DSCAM: variants seen among roughly 807,000 people sequenced by gnomAD.
DSCAM encodes the protein cell adhesion molecule DSCAM.
DSCAM carries 47 observed loss-of-function variants against 217.7 expected under a neutral mutation model. The observed-to-expected ratio is 0.22, with a 90% CI of 0.17 to 0.28. DSCAM has a LOEUF of 0.28. Among genes scored for constraint, DSCAM ranks in the 10% least tolerant of loss-of-function variants. The pLI is 1.00. For missense variants in DSCAM, 2,080 were observed against 2,618.3 expected (o/e 0.79, Z 4.49); for synonymous variants, 1,056 against 1,015.3 (o/e 1.04, Z -0.76).
intron 3 of DSCAM, among the ~76,000 whole-genome samples, chr21:40,471,903 C>T (rs2145969401): frequency 6.6e-6 from 1 of 152,250 alleles, no homozygotes; most frequent in African/African-American, 2.4e-5. Context: ...GTTAACTCGT[C>T]ATTTACATTA....
intron 1 of DSCAM, among the ~76,000 whole-genome samples, chr21:40,815,170 A>C (rs895019334): frequency 1.3e-5 from 2 of 152,110 alleles, no homozygotes; most frequent in African/African-American, 2.4e-5. Flanking sequence ...TCCAGTTCCC[A>C]AAGAAAAAAG....
intron 3 of DSCAM, among the ~76,000 whole-genome samples, chr21:40,479,666 C>A (rs2075965700): frequency 6.6e-6 from 1 of 152,026 alleles, no homozygotes; most frequent in African/African-American, 2.4e-5. Flanking sequence ...TAAACCTGCC[C>A]CCATGATTCA....
chr21:40,503,953 G>C (rs1310935244), intron 3 of DSCAM, among the ~76,000 whole-genome samples: 1 of 152,192 alleles, frequency 6.6e-6, no homozygotes, highest in Non-Finnish European at 1.5e-5. Context: ...CTAGTTCACT[G>C]ACTAGTGGAA....
chr21:40,824,865 C>T (rs75152182), intron 1 of DSCAM, among the ~76,000 whole-genome samples: 1 of 152,180 alleles, frequency 6.6e-6, no homozygotes, highest in African/African-American at 2.4e-5. Flanking sequence ...CAAAAGCATA[C>T]ACAACCTTAA....
chr21:40,514,337 C>A (rs953162239), intron 3 of DSCAM, among the ~76,000 whole-genome samples: 2 of 152,160 alleles, frequency 1.3e-5, no homozygotes, highest in African/African-American at 4.8e-5. Flanking sequence ...GGAAAATGAA[C>A]AAGGCCATCT....
intron 20 of DSCAM, among the ~76,000 whole-genome samples, chr21:40,103,396 T>C (rs906168452): frequency 6.6e-5 from 10 of 152,214 alleles, no homozygotes; most frequent in Non-Finnish European, 1.5e-4. Flanking sequence ...AGGGAACTTT[T>C]AGAATGCTTA....
At chr21:40,121,395 A>G (rs1464333617) in intron 20 of DSCAM, among the ~76,000 whole-genome samples, 1 of 152,208 alleles carries the variant, frequency 6.6e-6, no homozygotes, top group Admixed American at 6.5e-5. Context: ...TGTAAAAAAT[A>G]GGTCTCGTGC....
Position 40,389,367 on chromosome 21 carries a change from A to T in DSCAM, c.509-20122T>A, listed in dbSNP as rs1601606906. 5.3e-5 allele frequency among the ~76,000 whole-genome samples: 8 copies of T among 152,304 alleles called. No homozygotes were observed. In the South Asian group the frequency reaches 1.7e-3, roughly 32 times the overall value. On this transcript the variant is annotated intron_variant, in intron 3 of 32. Coordinates refer to ENST00000400454, the MANE Select transcript of DSCAM (RefSeq NM_001389.5). Reference sequence around the variant, plus strand: ...ACAAAAAAGAGGACCGTTAAAAAACAGCTAATGTTCTAAAAAAGACATCTG... The same window carrying T: ...ACAAAAAAGAGGACCGTTAAAAAACTGCTAATGTTCTAAAAAAGACATCTG...
At chr21:40,494,074 G>A (rs953587969) in intron 3 of DSCAM, among the ~76,000 whole-genome samples, 3 of 151,834 alleles carry the variant, frequency 2.0e-5, no homozygotes, top group Admixed American at 2.0e-4. Context: ...AAGGATCAAA[G>A]CACACCACTA....
At chr21:40,453,091 TGA>T (rs1014017888) in intron 3 of DSCAM, among the ~76,000 whole-genome samples, 1,999 of 128,926 alleles carry the variant, frequency 0.016, 30 homozygotes, top group Admixed American at 0.05. Flanking sequence ...TGTGTGTGTG[TGA>T]GATATATGTG....
chr21:40,276,169 C>T lies in DSCAM; in HGVS notation c.2284G>A (p.Gly762Ser). 6.2e-7 allele frequency: 1 copy of T among 1,613,190 alleles called. No homozygotes were observed. Among genetic ancestry groups the T allele is most frequent in the Non-Finnish European group, 8.5e-7 (1 of 1,179,532 alleles). Residue 762 changes from glycine to serine, a missense_variant, in exon 11 of 33, where the codon GGC becomes AGC. Gly to Ser is a moderately conservative substitution (Grantham distance 56, BLOSUM62 0). This residue lies in a region of DSCAM where 218 missense variants were observed against 364.1 expected (regional missense o/e 0.60). Coordinates refer to ENST00000400454, the MANE Select transcript of DSCAM (RefSeq NM_001389.5). ...LIKHVVEEDS[G>S]YYLCKVSNDV... ...TTGCTGACCTTGCAGAGGTAGTAGC[C>T]ACTGTCTTCCTCCACGACATGCTTG... is the stretch of plus-strand genomic sequence containing the variant.
chr21:40,616,205 A>T (rs2089391799), intron 3 of DSCAM, among the ~76,000 whole-genome samples: 1 of 152,230 alleles, frequency 6.6e-6, no homozygotes, highest in Non-Finnish European at 1.5e-5. Context: ...TGCAGTGTGC[A>T]GGAAAGAGCT....
chr21:40,766,681 AAAAAAAAC>A, intron 1 of DSCAM, among the ~76,000 whole-genome samples: 1 of 119,238 alleles, frequency 8.4e-6, no homozygotes, highest in East Asian at 2.2e-4. Flanking sequence ...AAAAAAAAAA[AAAAAAAAC>A]AACTTTTTTT....
intron 8 of DSCAM, among the ~76,000 whole-genome samples, chr21:40,329,610 CTCTA>C (rs1233143805): frequency 8.2e-6 from 1 of 122,462 alleles, no homozygotes; most frequent in East Asian, 2.1e-4. Flanking sequence ...GAGACTCCGT[CTCTA>C]AATAAATAAA....
At chr21:40,447,036 G>T (rs533136453) in intron 3 of DSCAM, among the ~76,000 whole-genome samples, 2 of 152,264 alleles carry the variant, frequency 1.3e-5, no homozygotes, top group Admixed American at 6.5e-5. Flanking sequence ...GTGTTCCTGT[G>T]CTGTGCTTAT....
At chr21:40,164,205 C>T (rs1340372883) in intron 16 of DSCAM, among the ~76,000 whole-genome samples, 1 of 152,170 alleles carries the variant, frequency 6.6e-6, no homozygotes, top group Non-Finnish European at 1.5e-5. Context: ...ACTCTAATTG[C>T]ACTCTGGGGA....
At chr21:40,479,382 T>C (rs1329480056) in intron 3 of DSCAM, among the ~76,000 whole-genome samples, 1 of 152,210 alleles carries the variant, frequency 6.6e-6, no homozygotes, top group Non-Finnish European at 1.5e-5. Flanking sequence ...TATGCTTAAT[T>C]CCTTAGTCCC....
In DSCAM at chr21:40,824,403, A is replaced by ATTTTTTTTTTTTTTTT. The variant is rs536114434; in HGVS notation, c.43+22200_43+22215dup. On this transcript the variant is annotated intron_variant, in intron 1 of 32. Transcript: ENST00000400454. ...GCTCCCTATCCCATTTTTATTATTG[A>ATTTTTTTTTTTTTTTT]TTTTTTTTTTTTTTTTTGGAGACAG... 1.1e-3 allele frequency among the ~76,000 whole-genome samples: 138 copies of ATTTTTTTTTTTTTTTT among 120,994 alleles called. 5 individuals carry two copies. The highest frequency in any genetic ancestry group is 1.8e-3 in the East Asian group (8 of 4,362). 79.4% of individuals were successfully genotyped at this position (120,994 alleles called of 152,430 possible).
intron 1 of DSCAM, among the ~76,000 whole-genome samples, chr21:40,812,083 T>C (rs895522131): frequency 2.6e-5 from 4 of 152,164 alleles, no homozygotes; most frequent in African/African-American, 9.7e-5. Context: ...ACAGGGAAAA[T>C]ACCAGTGAGT....
Sources: allele counts gnomAD v4.1 joint callset (sites outside exome capture counted in the v4.1 genomes callset), GRCh38; gene constraint gnomAD v4.1.1; regional missense constraint gnomAD v4.1.1; transcripts MANE v1.5; gene names NCBI Gene and HGNC (gene_info 2026-07-23, HGNC 2026-07-21).